The following LINGO2 variants were observed in gnomAD, a reference collection of about 807,000 sequenced individuals.
LINGO2 encodes the protein leucine rich repeat and Ig domain containing 2, also known as leucine-rich repeat and immunoglobulin-like domain-containing nogo receptor-interacting protein 2.
In LINGO2, 14 loss-of-function variants were observed where a neutral mutation model predicts 30.6. The observed-to-expected ratio is 0.46, with a 90% CI of 0.30 to 0.72. LINGO2 has a LOEUF of 0.72. Among genes scored for constraint, LINGO2 ranks in the 30% least tolerant of loss-of-function variants. The pLI is 0.07. For synonymous variants in LINGO2, 317 were observed against 288.5 expected (o/e 1.10, Z -1.00); for missense variants, 729 against 751.7 (o/e 0.97, Z 0.35).
At chr9:28,501,055 C>T (rs886529974) in intron 1 of LINGO2, among the ~76,000 whole-genome samples, 1 of 151,976 alleles carries the variant, frequency 6.6e-6, no homozygotes. Context: ...ACTGCAGGTC[C>T]TTTCTGAAAA....
the LINGO2 span, among the ~76,000 whole-genome samples, chr9:28,948,849 G>A: frequency 9.9e-5 from 15 of 151,870 alleles, no homozygotes; most frequent in East Asian, 9.7e-4. Flanking sequence ...CTCTTAGTGC[G>A]TTCCTGGATT....
At chr9:29,152,497 T>G in the LINGO2 span, among the ~76,000 whole-genome samples, 1 of 152,276 alleles carries the variant, frequency 6.6e-6, no homozygotes, top group Middle Eastern at 3.4e-3. Context: ...CTAAATTGTG[T>G]CCTCCTTGGA....
At chr9:28,393,962 C>T (rs929169804) in intron 2 of LINGO2, among the ~76,000 whole-genome samples, 2 of 152,078 alleles carry the variant, frequency 1.3e-5, no homozygotes, top group Non-Finnish European at 2.9e-5. Context: ...ATCTCAGTTA[C>T]TGAATGGTAA....
the LINGO2 span, among the ~76,000 whole-genome samples, chr9:29,013,753 A>G: frequency 6.6e-6 from 1 of 152,124 alleles, no homozygotes; most frequent in Non-Finnish European, 1.5e-5. Context: ...ATCTCATTCT[A>G]TTTCCAGTGG....
the LINGO2 span, among the ~76,000 whole-genome samples, chr9:29,150,120 A>C: frequency 3.9e-5 from 6 of 152,322 alleles, no homozygotes; most frequent in Non-Finnish European, 8.8e-5. Context: ...CCATTACCTA[A>C]GCACAATTTA....
intron 4 of LINGO2, among the ~76,000 whole-genome samples, chr9:28,252,302 T>A (rs879429365): frequency 2.6e-5 from 4 of 152,116 alleles, no homozygotes; most frequent in Middle Eastern, 3.2e-3. Context: ...CTTGGCTCAC[T>A]GCAACCTCTG....
the LINGO2 span, among the ~76,000 whole-genome samples, chr9:28,794,215 A>C: frequency 6.6e-6 from 1 of 152,306 alleles, no homozygotes; most frequent in South Asian, 2.1e-4. Context: ...GAGGCAGGAG[A>C]ATCGCTTGAA....
At chr9:28,915,801 A>C in the LINGO2 span, among the ~76,000 whole-genome samples, 8 of 152,176 alleles carry the variant, frequency 5.3e-5, no homozygotes, top group African/African-American at 1.9e-4. Flanking sequence ...CTGTCCTGAG[A>C]GTTTAGAATC....
chr9:28,430,542 A>T (rs985326616), intron 2 of LINGO2, among the ~76,000 whole-genome samples: 40 of 152,136 alleles, frequency 2.6e-4, no homozygotes, highest in African/African-American at 8.4e-4. Flanking sequence ...TTAACTTTTA[A>T]ATTCAAAATC....
chr9:29,091,178 A>G, the LINGO2 span, among the ~76,000 whole-genome samples: 3 of 152,046 alleles, frequency 2.0e-5, no homozygotes, highest in Non-Finnish European at 2.9e-5. Flanking sequence ...CTCTTGGGAA[A>G]TTATCAAAGG....
chr9:29,022,904 G>T, the LINGO2 span, among the ~76,000 whole-genome samples: 1 of 150,438 alleles, frequency 6.6e-6, no homozygotes, highest in Non-Finnish European at 1.5e-5. Context: ...TATTTGGTAG[G>T]CACACAATAC....
chr9:28,884,962 T>C, the LINGO2 span, among the ~76,000 whole-genome samples: 1 of 18,012 alleles, frequency 5.6e-5, no homozygotes, highest in African/African-American at 1.7e-4. Context: ...TATAATATTT[T>C]ATATATATAA....
chr9:28,659,295 C>CA (rs1563898617), intron 1 of LINGO2, among the ~76,000 whole-genome samples: 1 of 151,548 alleles, frequency 6.6e-6, no homozygotes, highest in Admixed American at 6.6e-5. Flanking sequence ...ACCTAAAATT[C>CA]AAAAAATTTA....
chr9:29,102,925 C>A, the LINGO2 span, among the ~76,000 whole-genome samples: 2 of 152,072 alleles, frequency 1.3e-5, no homozygotes, highest in East Asian at 3.9e-4. Context: ...CAAAAACCAA[C>A]ATGTATTATA....
intron 5 of LINGO2, among the ~76,000 whole-genome samples, chr9:28,005,352 A>G (rs565237504): frequency 1.3e-5 from 2 of 152,308 alleles, no homozygotes; most frequent in Non-Finnish European, 2.9e-5. Flanking sequence ...TGAGGATATC[A>G]TATGTGATTC....
chr9:28,203,484 G>A (rs1820309233), intron 4 of LINGO2, among the ~76,000 whole-genome samples: 1 of 152,148 alleles, frequency 6.6e-6, no homozygotes, highest in South Asian at 2.1e-4. Context: ...TGAGGCAGGG[G>A]AGGAGTGAGG....
At chr9:29,149,222 C>T in the LINGO2 span, among the ~76,000 whole-genome samples, 2 of 152,026 alleles carry the variant, frequency 1.3e-5, no homozygotes, top group Admixed American at 1.3e-4. Flanking sequence ...TAATTTTTAA[C>T]TACATTTTGG....
At chr9:28,008,325 T>C (rs920458811) in intron 5 of LINGO2, among the ~76,000 whole-genome samples, 1 of 152,128 alleles carries the variant, frequency 6.6e-6, no homozygotes, top group African/African-American at 2.4e-5. Flanking sequence ...ACCTATGTTA[T>C]ACATATAATA....
At position 28,634,049 on chromosome 9, in the gene LINGO2, AATTAAATG is replaced by A. The variant is rs1359696556; in HGVS notation, c.-365+36143_-365+36150del. Reference sequence around the variant, plus strand: ...CTGGATAAGAACAAGAAAGAGGCACAATTAAATGAGAGGGGCAGTGGTGACTGCAGAGA... The same window carrying A: ...CTGGATAAGAACAAGAAAGAGGCACAAGAGGGGCAGTGGTGACTGCAGAGA... On this transcript the variant is annotated intron_variant, in intron 1 of 5. Coordinates refer to ENST00000379992, the Ensembl canonical transcript of LINGO2. Among the ~76,000 whole-genome samples the A allele has an allele frequency of 2.0e-5, 3 of 152,292 alleles. No homozygotes were observed. The East Asian group carries it at 5.8e-4, about 29-fold the overall frequency.
Sources: gnomAD v4.1 joint callset for allele counts (sites outside exome capture counted in the v4.1 genomes callset) on GRCh38, gnomAD v4.1.1 for gene constraint, MANE v1.5 for transcripts, NCBI Gene and HGNC (gene_info 2026-07-23, HGNC 2026-07-21) for gene names.